Variants in CHD6 observed in about 807,000 individuals in gnomAD.
The protein encoded by CHD6 is chromodomain helicase DNA binding protein 6.
A neutral mutation model predicts 276.9 loss-of-function variants in CHD6; 50 were observed. The observed-to-expected ratio is 0.18, with a 90% CI of 0.14 to 0.23. The LOEUF (loss-of-function observed/expected upper bound fraction) is 0.23, where lower values mean the gene tolerates loss of function less well. CHD6 is among the 10% of genes least tolerant of loss of function. The pLI, the probability that CHD6 is intolerant of heterozygous loss-of-function variation, is 1.00. For synonymous variants in CHD6, 1,173 were observed against 1,229.3 expected, an observed-to-expected ratio of 0.95 and a Z score of 0.96; for missense variants, 2,564 against 3,365.8, an observed-to-expected ratio of 0.76 and a Z score of 5.89.
chr20:41,592,435 A>G (rs145456300), intron 1 of CHD6, among the ~76,000 whole-genome samples: 122 of 152,354 alleles, frequency 8.0e-4, no homozygotes, highest in African/African-American at 2.9e-3. Flanking sequence ...TCTTTTGAGA[A>G]AGATAGTTTT....
At chr20:41,615,884 A>G (rs2045930870) in intron 1 of CHD6, among the ~76,000 whole-genome samples, 1 of 152,250 alleles carries the variant, frequency 6.6e-6, no homozygotes, top group Non-Finnish European at 1.5e-5. Flanking sequence ...TACTTCCAAG[A>G]AAACCAAAAC....
chr20:41,533,617 TCAGA>T (rs775624940), intron 2 of CHD6, 47 bp from the exon 3 acceptor site: 1 of 1,502,654 alleles, frequency 6.7e-7, no homozygotes, highest in Non-Finnish European at 8.9e-7. Flanking sequence ...AATTCATGCT[TCAGA>T]CAAAGAGAGT....
chr20:41,451,996 T>C lies in CHD6; in HGVS notation c.3353A>G (p.His1118Arg), dbSNP rs1255974950. Reference sequence around the variant, plus strand: ...GTTCAGATGCCACTTGAATCGGCCATGAGTCAGGATGTCCTTCCACCGGCC... The same window carrying C: ...GTTCAGATGCCACTTGAATCGGCCACGAGTCAGGATGTCCTTCCACCGGCC... ...GWGRWKDILT[H>R]GRFKWHLNEK... is the part of the protein sequence containing the mutation. The change falls in exon 22 of 37, where the codon CAT (histidine) becomes CGT (arginine). Residue 1118 changes from histidine to arginine, a missense_variant. Physicochemically the swap from His to Arg is conservative, Grantham distance 29 (BLOSUM62 0). Around this residue, in one of 7 missense-constraint regions of CHD6, gnomAD observed 515 missense variants for 739.5 expected, o/e 0.70. Transcript: ENST00000373233. 1.2e-6 allele frequency: 2 copies of C among 1,614,076 alleles called. No homozygotes were observed. Among genetic ancestry groups the C allele is most frequent in the Non-Finnish European group, 1.7e-6 (2 of 1,180,006 alleles).
At chr20:41,538,744 G>C (rs1006089797) in intron 2 of CHD6, among the ~76,000 whole-genome samples, 28 of 152,130 alleles carry the variant, frequency 1.8e-4, no homozygotes, top group African/African-American at 6.3e-4. Context: ...TTGCAGGACA[G>C]AGTAGCAACA....
chr20:41,411,775 A>G (rs2030613018), intron 36 of CHD6, among the ~76,000 whole-genome samples: 2 of 152,252 alleles, frequency 1.3e-5, no homozygotes, highest in South Asian at 4.1e-4. Context: ...GGTAGCCAAA[A>G]AAACCTAAAT....
chr20:41,404,405 C>T lies in CHD6; in HGVS notation c.*188G>A. The T allele has an allele frequency of 7.7e-7, 1 of 1,290,888 alleles. No homozygotes were observed. The highest frequency in any genetic ancestry group is 9.8e-7 in the Non-Finnish European group (1 of 1,021,530). 80.0% of individuals were successfully genotyped at this position (1,290,888 alleles called of 1,614,324 possible). A position where few individuals can be genotyped will look rare whatever the true frequency, so the allele number is the denominator to read the frequency against. ...TGCCTCCTAGACTAGGTAGACAACA[C>T]TTATCTAATGAAGTGGTGAGACCCT... On this transcript the variant is annotated 3_prime_UTR_variant, in exon 37 of 37. Coordinates refer to ENST00000373233, the MANE Select transcript of CHD6 (RefSeq NM_032221.5).
chr20:41,559,340 A>G (rs2045276832), intron 1 of CHD6, among the ~76,000 whole-genome samples: 1 of 152,182 alleles, frequency 6.6e-6, no homozygotes, highest in African/African-American at 2.4e-5. Context: ...CTCAAGAAAG[A>G]AACAGGTTTA....
chr20:41,551,308 C>A lies in CHD6; in HGVS notation c.30G>T (p.Lys10Asn). The A allele has an allele frequency of 1.3e-6, 2 of 1,494,016 alleles. No individual in the cohort carries two copies. The highest frequency in any genetic ancestry group is 1.9e-6 in the Non-Finnish European group (2 of 1,079,898). 92.5% of individuals were successfully genotyped at this position (1,494,016 alleles called of 1,614,324 possible). A position where few individuals can be genotyped will look rare whatever the true frequency, so the allele number is the denominator to read the frequency against. The change falls in exon 2 of 37, where the codon AAG (lysine) becomes AAT (asparagine). Residue 10 changes from lysine to asparagine, a missense_variant. Transcript: ENST00000373233. ...TAAAAGAAAAGTGATCACTTACCTG[C>A]TTCTCTTTTTTCTGTATTTTCATTT... MKMKIQKKE[K>N]QLSNLKVLNH...
chr20:41,556,625 A>G (rs2272959), intron 1 of CHD6, among the ~76,000 whole-genome samples: 20,460 of 152,076 alleles, frequency 0.13, 1,607 homozygotes, highest in East Asian at 0.18. Flanking sequence ...ATGTTACTGT[A>G]GAGTAACTGT....
chr20:41,611,363 T>C (rs2045885645), intron 1 of CHD6, among the ~76,000 whole-genome samples: 1 of 152,174 alleles, frequency 6.6e-6, no homozygotes, highest in Non-Finnish European at 1.5e-5. Context: ...GAAGCTAATA[T>C]TAAATAAAAT....
chr20:41,583,383 T>C (rs1477934913), intron 1 of CHD6, among the ~76,000 whole-genome samples: 1 of 151,932 alleles, frequency 6.6e-6, no homozygotes, highest in Non-Finnish European at 1.5e-5. Context: ...GGAGTAATTC[T>C]TTAAAGTAAT....
At chr20:41,574,366 T>C (rs1332372675) in intron 1 of CHD6, among the ~76,000 whole-genome samples, 1 of 152,150 alleles carries the variant, frequency 6.6e-6, no homozygotes, top group Non-Finnish European at 1.5e-5. Context: ...ATCCCCTAGT[T>C]TTTTCTTCTC....
chr20:41,413,985 C>T (rs1032803965), intron 34 of CHD6: 2 of 152,332 alleles, frequency 1.3e-5, no homozygotes, highest in Non-Finnish European at 2.9e-5. Context: ...AATGACCATG[C>T]TAAATAAGTG....
intron 22 of CHD6, 59 bp from the exon 23 acceptor site, chr20:41,451,164 T>C: frequency 6.8e-7 from 1 of 1,478,084 alleles, no homozygotes; most frequent in South Asian, 1.2e-5. Context: ...TACACACGGG[T>C]TTTAGAAGAG....
Position 41,497,378 on chromosome 20 carries a change from CT to C in CHD6, c.1092+5del. 1 of 1,576,752 alleles carries C rather than the reference CT, an allele frequency of 6.3e-7. No homozygotes were observed. The highest frequency in any genetic ancestry group is 8.7e-7 in the Non-Finnish European group (1 of 1,145,984). On this transcript the variant is annotated splice_donor_5th_base_variant and intron_variant, in intron 8 of 36. Transcript: ENST00000373233. ...CAGTCAAATGAGTCAGTAAATATTG[CT>C]TCACCTCCGTAAAAATGTGCTTCAT...
At chr20:41,463,366 G>A (rs1159176052) in intron 17 of CHD6, among the ~76,000 whole-genome samples, 2 of 152,162 alleles carry the variant, frequency 1.3e-5, no homozygotes, top group Non-Finnish European at 2.9e-5. Flanking sequence ...CTTTGATGAG[G>A]AACAGGTACA....
intron 1 of CHD6, among the ~76,000 whole-genome samples, chr20:41,563,229 T>C (rs959517572): frequency 2.0e-5 from 3 of 152,198 alleles, no homozygotes; most frequent in African/African-American, 7.2e-5. Flanking sequence ...CTCTCACTAC[T>C]GAACCAAGAG....
rs536622637 is a variant in CHD6 at position 41,411,724 on chromosome 20, T to C, written c.7251+420A>G. Reference sequence around the variant, plus strand: ...GGTAGTGCTTAGAGGCAGCTGTTTTTCATTGCCAGTGAGGCTGGACCAGGA... The same window carrying C: ...GGTAGTGCTTAGAGGCAGCTGTTTTCCATTGCCAGTGAGGCTGGACCAGGA... On this transcript the variant is annotated intron_variant, in intron 36 of 36. Coordinates refer to ENST00000373233, the MANE Select transcript of CHD6 (RefSeq NM_032221.5). Among the ~76,000 whole-genome samples the C allele has an allele frequency of 2.0e-5, 3 of 152,342 alleles. No homozygotes were observed. The East Asian group carries it at 5.8e-4, about 29-fold the overall frequency.
At chr20:41,467,549 C>A in intron 17 of CHD6, among the ~76,000 whole-genome samples, 1 of 114,694 alleles carries the variant, frequency 8.7e-6, no homozygotes. Flanking sequence ...TGAATAACGA[C>A]GTTCTGACAA....
Sources: allele counts gnomAD v4.1 joint callset (sites outside exome capture counted in the v4.1 genomes callset), GRCh38; gene constraint gnomAD v4.1.1; regional missense constraint gnomAD v4.1.1; transcripts MANE v1.5; gene names NCBI Gene and HGNC (gene_info 2026-07-23, HGNC 2026-07-21).